The following FBXO9 variants were observed in gnomAD, a reference collection of about 807,000 sequenced individuals.
The protein encoded by FBXO9 is F-box protein 9, also known as F-box only protein 9.
A neutral mutation model predicts 63.7 loss-of-function variants in FBXO9; 43 were observed. The ratio of observed to expected loss-of-function variants is 0.67; its 90% CI spans 0.53 to 0.87. FBXO9 has a LOEUF of 0.87. Ranked by LOEUF, FBXO9 falls within the 40% of genes least tolerant of loss-of-function variation. The pLI is 0.00. For synonymous variants in FBXO9, 156 were observed against 171.7 expected, an observed-to-expected ratio of 0.91 and a Z score of 0.72; for missense variants, 442 against 533.2, an observed-to-expected ratio of 0.83 and a Z score of 1.68.
At chr6:53,073,233 A>G (rs970760505) in intron 2 of FBXO9, among the ~76,000 whole-genome samples, 15 of 152,110 alleles carry the variant, frequency 9.9e-5, no homozygotes, top group Non-Finnish European at 2.1e-4. Flanking sequence ...TGGTTTTCCA[A>G]TATAATTTGA....
chr6:53,083,116 C>T (rs1443968933), intron 7 of FBXO9, among the ~76,000 whole-genome samples: 1 of 152,164 alleles, frequency 6.6e-6, no homozygotes, highest in Non-Finnish European at 1.5e-5. Flanking sequence ...GGATCCTTTC[C>T]TTACACGACA....
chr6:53,087,959 T>C (rs2127496637), intron 7 of FBXO9, among the ~76,000 whole-genome samples: 1 of 152,338 alleles, frequency 6.6e-6, no homozygotes, highest in South Asian at 2.1e-4. Context: ...ACAACTTATA[T>C]TGATGACATG....
At position 53,098,634 on chromosome 6, in the gene FBXO9, T is replaced by C. The variant is rs1763280473; in HGVS notation, c.*804T>C. 6.6e-6 allele frequency: 1 copy of C among 152,156 alleles called. No individual in the cohort carries two copies. The highest frequency in any genetic ancestry group is 6.6e-5 in the Admixed American group (1 of 15,256). The allele number at this position is 152,156 out of a possible 1,614,324, so 9.4% of individuals were successfully genotyped here. A position where few individuals can be genotyped will look rare whatever the true frequency, so the allele number is the denominator to read the frequency against. ...AATTCCTCATTTCATCATTGGTCTT[T>C]ATATGTAGCCACAAACACTGACCTC... On this transcript the variant is annotated 3_prime_UTR_variant, in exon 13 of 13. Coordinates refer to ENST00000323557, the MANE Select transcript of FBXO9 (RefSeq NM_033480.3).
In FBXO9 at chr6:53,070,060, C is replaced by T. The variant is rs563805146; in HGVS notation, c.4-997C>T. On this transcript the variant is annotated intron_variant, in intron 1 of 12. Transcript: ENST00000323557. ...TTTTTTATGATGGGGTCTCTGTCAT[C>T]CAGGCTGGAGTGCAATGGTGCAGTC... 2.3e-5 allele frequency among the ~76,000 whole-genome samples: 3 copies of T among 128,666 alleles called. No homozygotes were observed. In the South Asian group the frequency reaches 7.5e-4, roughly 32 times the overall value. 84.4% of individuals were successfully genotyped at this position (128,666 alleles called of 152,430 possible).
chr6:53,068,898 C>G (rs759123103), intron 1 of FBXO9, among the ~76,000 whole-genome samples: 4 of 152,170 alleles, frequency 2.6e-5, no homozygotes, highest in Non-Finnish European at 5.9e-5. Flanking sequence ...AGTCCTTCCA[C>G]CTCAGCCTTC....
intron 12 of FBXO9, 84 bp downstream of exon 12, chr6:53,095,748 A>G: frequency 6.7e-6 from 9 of 1,343,924 alleles, no homozygotes; most frequent in Non-Finnish European, 9.1e-6. Context: ...TATGTTTCTA[A>G]TTTCTCAGAG....
Position 53,065,635 on chromosome 6 carries a change from C to A in FBXO9, c.-155C>A. ...CGTACGCCGGGCCCGCAGTTATTGC[C>A]GCTGCCTGGTGCGCTTCTCCGACCG... is the stretch of plus-strand genomic sequence containing the variant. On this transcript the variant is annotated 5_prime_UTR_variant, in exon 1 of 13. Transcript: ENST00000323557. 1.1e-6 allele frequency: 1 copy of A among 908,538 alleles called. No individual in the cohort carries two copies. Among genetic ancestry groups the A allele is most frequent in the Non-Finnish European group, 1.5e-6 (1 of 678,734 alleles). The allele number at this position is 908,538 out of a possible 1,614,324, so 56.3% of individuals were successfully genotyped here.
At chr6:53,083,939 G>T (rs1293408521) in intron 7 of FBXO9, among the ~76,000 whole-genome samples, 1 of 152,186 alleles carries the variant, frequency 6.6e-6, no homozygotes, top group Non-Finnish European at 1.5e-5. Flanking sequence ...TAGCAACTAG[G>T]AGTCCGTGTC....
chr6:53,069,453 G>A (rs1768831682), intron 1 of FBXO9, among the ~76,000 whole-genome samples: 1 of 152,200 alleles, frequency 6.6e-6, no homozygotes, highest in South Asian at 2.1e-4. Flanking sequence ...ATCTGTCACA[G>A]CACCTTGTCA....
chr6:53,070,438 T>C (rs1349695145), intron 1 of FBXO9, among the ~76,000 whole-genome samples: 3 of 152,220 alleles, frequency 2.0e-5, no homozygotes, highest in Non-Finnish European at 4.4e-5. Context: ...GTAATAGACT[T>C]GAATTGTTAC....
rs999157733 is a variant in FBXO9, at chr6:53,100,822, C to G, written c.*2992C>G. 4 of 152,116 alleles carry G rather than the reference C, an allele frequency of 2.6e-5. No homozygotes were observed. The highest frequency in any genetic ancestry group is 3.4e-3 in the Middle Eastern group (1 of 294). 9.4% of individuals were successfully genotyped at this position (152,116 alleles called of 1,614,324 possible). ...ACTCCTCTTTACGCATTTTGGTTTT[C>G]TAATTTAATGGTAGTGTAAACGTTT... On this transcript the variant is annotated 3_prime_UTR_variant, in exon 13 of 13. Coordinates refer to ENST00000323557, the MANE Select transcript of FBXO9 (RefSeq NM_033480.3).
intron 12 of FBXO9, among the ~76,000 whole-genome samples, chr6:53,095,879 G>A (rs1763196085): frequency 1.3e-5 from 2 of 152,298 alleles, no homozygotes; most frequent in Admixed American, 6.5e-5. Context: ...CACTCATATA[G>A]TACCCATTGG....
Position 53,097,683 on chromosome 6 carries a change from A to G in FBXO9, c.1206-39A>G, listed in dbSNP as rs376065178. On this transcript the variant is annotated intron_variant, in intron 12 of 12. Coordinates refer to ENST00000323557, the MANE Select transcript of FBXO9 (RefSeq NM_033480.3). ...ACACAAGGATTTTAAATGAATTGAAATTTCCTCATACTAGTAATTTTGTGC... is the reference window on the plus strand; with the variant it reads ...ACACAAGGATTTTAAATGAATTGAAGTTTCCTCATACTAGTAATTTTGTGC... 17 of 1,223,342 alleles carry G rather than the reference A, an allele frequency of 1.4e-5. No individual in the cohort carries two copies. In the African/African-American group the frequency reaches 2.4e-4, roughly 17 times the overall value. 75.8% of individuals were successfully genotyped at this position (1,223,342 alleles called of 1,614,324 possible).
chr6:53,065,854 GC>G (rs1257267983), intron 1 of FBXO9, 62 bp downstream of exon 1: 5 of 1,277,484 alleles, frequency 3.9e-6, no homozygotes, highest in Non-Finnish European at 4.9e-6. Context: ...GTGCAGAGGG[GC>G]CGGGCCTAGG....
At position 53,093,580 on chromosome 6, in the gene FBXO9, A is replaced by G. The variant is rs568645110; in HGVS notation, c.959+19A>G. The G allele has an allele frequency of 1.9e-6, 3 of 1,558,930 alleles. No homozygotes were observed. Among genetic ancestry groups the G allele is most frequent in the African/African-American group, 1.4e-5 (1 of 73,848 alleles). ...ATACCAGGTAGCATTTGTTTTTTAA[A>G]TGGCTTTCCATCCAGTCTATGTTTT... On this transcript the variant is annotated intron_variant, in intron 10 of 12. Transcript: ENST00000323557.
At chr6:53,076,670 G>C in intron 4 of FBXO9, 127 bp downstream of exon 4, 1 of 627,288 alleles carries the variant, frequency 1.6e-6, no homozygotes. Flanking sequence ...TCTTCCTTCA[G>C]TACTCATTGG....
chr6:53,083,740 C>T (rs1769385686), intron 7 of FBXO9, among the ~76,000 whole-genome samples: 1 of 152,146 alleles, frequency 6.6e-6, no homozygotes, highest in Admixed American at 6.5e-5. Context: ...TCATGGCCTT[C>T]CTCAGCTCTC....
In FBXO9 at chr6:53,092,743, TC is replaced by T; in HGVS notation, c.783del (p.Ser262ValfsTer29). 6.2e-7 allele frequency: 1 copy of T among 1,608,410 alleles called. No individual in the cohort carries two copies. The highest frequency in any genetic ancestry group is 8.5e-7 in the Non-Finnish European group (1 of 1,176,426). On this transcript the variant is annotated frameshift_variant, in exon 9 of 13. Transcript: ENST00000323557. LOFTEE classifies it high-confidence loss of function. The stretch of plus-strand genomic sequence containing the variant: ...AAAATTATTTTCATAGGCGTGTATA[TC>T]AGTAAAACCACATATATTCGTCAAG... ...RPRVRFDGVYISKTTYIRQGE... is the reference protein window; with the variant it reads ...RPRVRFDGVYXSKTTYIRQGE...
chr6:53,083,778 G>T (rs563154782), intron 7 of FBXO9, among the ~76,000 whole-genome samples: 139 of 152,234 alleles, frequency 9.1e-4, no homozygotes, highest in Non-Finnish European at 1.5e-3. Context: ...AACATTAGTG[G>T]CTCCATTTTT....
Sources: gnomAD v4.1 joint callset for allele counts (sites outside exome capture counted in the v4.1 genomes callset) on GRCh38, gnomAD v4.1.1 for gene constraint, MANE v1.5 for transcripts, NCBI Gene and HGNC (gene_info 2026-07-23, HGNC 2026-07-21) for gene names.